LRP1B: variants seen among roughly 807,000 people sequenced by gnomAD.
LRP1B encodes the protein LDL receptor related protein 1B.
A neutral mutation model predicts 556.6 loss-of-function variants in LRP1B; 217 were observed. The observed-to-expected ratio is 0.39, with a 90% CI of 0.35 to 0.44. The LOEUF (loss-of-function observed/expected upper bound fraction) is 0.44, where lower values mean the gene tolerates loss of function less well. Among genes scored for constraint, LRP1B ranks in the 20% least tolerant of loss-of-function variants. LRP1B has a pLI of 1.00. For missense variants in LRP1B, 5,053 were observed against 5,620.8 expected, an observed-to-expected ratio of 0.90 and a Z score of 3.23; for synonymous variants, 2,047 against 1,865.8, an observed-to-expected ratio of 1.10 and a Z score of -2.50.
chr2:140,305,087 T>C (rs1053768627), intron 83 of LRP1B, among the ~76,000 whole-genome samples: 11 of 152,114 alleles, frequency 7.2e-5, no homozygotes, highest in African/African-American at 2.2e-4. Context: ...AGTCAGGTAG[T>C]GTGATGCCTC....
rs1179614191 is a variant in LRP1B at position 140,335,463 on chromosome 2, GC to G, written c.12116+151del. The stretch of plus-strand genomic sequence containing the variant: ...TCATCATTTGGTATGAATAGGACAT[GC>G]TTTTTTACAGAAGAAATAGTACAAG... On this transcript the variant is annotated intron_variant, in intron 78 of 90. Transcript: ENST00000389484. 8.0e-6 allele frequency: 5 copies of G among 624,284 alleles called. No homozygotes were observed. In the Admixed American group the frequency reaches 8.7e-5, roughly 11 times the overall value. 38.7% of individuals were successfully genotyped at this position (624,284 alleles called of 1,614,324 possible). A position where few individuals can be genotyped will look rare whatever the true frequency, so the allele number is the denominator to read the frequency against.
intron 1 of LRP1B, among the ~76,000 whole-genome samples, chr2:142,032,277 C>T (rs1325964688): frequency 6.6e-6 from 1 of 151,638 alleles, no homozygotes; most frequent in Admixed American, 6.6e-5. Flanking sequence ...TGTGTTAATC[C>T]CTCTATCCCA....
chr2:140,610,033 T>C (rs1683012628), intron 41 of LRP1B, among the ~76,000 whole-genome samples: 1 of 147,930 alleles, frequency 6.8e-6, no homozygotes, highest in Non-Finnish European at 1.5e-5. Context: ...CTTCCATCTA[T>C]AAAAACTCAG....
intron 2 of LRP1B, among the ~76,000 whole-genome samples, chr2:141,596,601 G>A (rs1687531582): frequency 6.6e-6 from 1 of 151,958 alleles, no homozygotes; most frequent in South Asian, 2.1e-4. Flanking sequence ...TAAAGTAATT[G>A]TGATGAACTT....
chr2:140,999,139 C>T (rs773863045), intron 15 of LRP1B, among the ~76,000 whole-genome samples: 2 of 152,036 alleles, frequency 1.3e-5, no homozygotes, highest in Non-Finnish European at 2.9e-5. Flanking sequence ...TTTCTATAAA[C>T]ATACTTTGTG....
chr2:141,565,499 A>T (rs897422323), intron 2 of LRP1B, among the ~76,000 whole-genome samples: 2 of 152,212 alleles, frequency 1.3e-5, no homozygotes, highest in Admixed American at 1.3e-4. Context: ...CAACATAAGC[A>T]AAATACAGCA....
chr2:140,826,448 G>T (rs554466462), intron 31 of LRP1B, among the ~76,000 whole-genome samples: 1 of 152,290 alleles, frequency 6.6e-6, no homozygotes, highest in South Asian at 2.1e-4. Context: ...AGAGAAGCCA[G>T]ATGGCTTCAC....
chr2:140,436,096 T>C (rs527928478), intron 66 of LRP1B, among the ~76,000 whole-genome samples: 1 of 151,900 alleles, frequency 6.6e-6, no homozygotes, highest in African/African-American at 2.4e-5. Context: ...AATAAATGGA[T>C]GAAAGAAAAA....
At chr2:140,350,741 A>G (rs1254612241) in intron 77 of LRP1B, 56 bp downstream of exon 77, 2 of 1,538,968 alleles carry the variant, frequency 1.3e-6, no homozygotes, top group Non-Finnish European at 1.7e-6. Flanking sequence ...AATTTTGTTT[A>G]AAAAGCAGGT....
In LRP1B at chr2:141,657,943, G is replaced by A. The variant is rs1481040460; in HGVS notation, c.205+152336C>T. Among the ~76,000 whole-genome samples the A allele has an allele frequency of 7.2e-5, 11 of 152,016 alleles. No homozygotes were observed. In the South Asian group the frequency reaches 1.4e-3, roughly 20 times the overall value. ...TCTATTAATTGAAAAAGGTTTAAACGAAGTTCTAGAATGTTCCATCATCCA... is the reference window on the plus strand; with the variant it reads ...TCTATTAATTGAAAAAGGTTTAAACAAAGTTCTAGAATGTTCCATCATCCA... On this transcript the variant is annotated intron_variant, in intron 2 of 90. Transcript: ENST00000389484.
At chr2:141,051,142 G>C (rs1699023373) in intron 10 of LRP1B, among the ~76,000 whole-genome samples, 1 of 152,074 alleles carries the variant, frequency 6.6e-6, no homozygotes, top group Admixed American at 6.6e-5. Context: ...TGCTGGCAAG[G>C]TTGTGGAGAA....
chr2:142,070,514 A>G (rs1705271974), intron 1 of LRP1B, among the ~76,000 whole-genome samples: 1 of 151,838 alleles, frequency 6.6e-6, no homozygotes, highest in Non-Finnish European at 1.5e-5. Context: ...ATGTGCACAA[A>G]TGCACAAATC....
At chr2:141,998,141 T>A (rs1028831540) in intron 1 of LRP1B, among the ~76,000 whole-genome samples, 3 of 152,170 alleles carry the variant, frequency 2.0e-5, no homozygotes, top group Non-Finnish European at 4.4e-5. Flanking sequence ...CAGGATTTAG[T>A]GTGGGCTTCA....
intron 41 of LRP1B, among the ~76,000 whole-genome samples, chr2:140,653,570 G>A (rs1029372983): frequency 6.6e-6 from 1 of 151,824 alleles, no homozygotes; most frequent in Non-Finnish European, 1.5e-5. Context: ...ATAGGTATTG[G>A]GCTGTAAAGT....
chr2:141,341,706 C>T (rs749832467), intron 3 of LRP1B, among the ~76,000 whole-genome samples: 14 of 152,158 alleles, frequency 9.2e-5, no homozygotes, highest in Admixed American at 7.2e-4. Context: ...GAGCTTCTTC[C>T]AGGCCTTGCC....
chr2:141,738,962 A>G (rs1044119111), intron 2 of LRP1B, among the ~76,000 whole-genome samples: 4 of 152,126 alleles, frequency 2.6e-5, no homozygotes, highest in Non-Finnish European at 4.4e-5. Flanking sequence ...TTACACATAT[A>G]TCCACACAGA....
intron 84 of LRP1B, among the ~76,000 whole-genome samples, chr2:140,291,348 A>G (rs1223795438): frequency 8.1e-6 from 1 of 122,812 alleles, no homozygotes; most frequent in Non-Finnish European, 1.8e-5. Context: ...TCTAGGGTAT[A>G]TGTGCACAAC....
intron 2 of LRP1B, among the ~76,000 whole-genome samples, chr2:141,757,820 A>G (rs924863947): frequency 6.6e-6 from 1 of 152,150 alleles, no homozygotes; most frequent in African/African-American, 2.4e-5. Flanking sequence ...CACTGGTGTG[A>G]GCCACTACAC....
intron 7 of LRP1B, among the ~76,000 whole-genome samples, chr2:141,185,507 G>T (rs1681201230): frequency 6.6e-6 from 1 of 151,826 alleles, no homozygotes. Context: ...AAGCATCTCT[G>T]GGAAATAGTC....
Sources: allele counts gnomAD v4.1 joint callset (sites outside exome capture counted in the v4.1 genomes callset), GRCh38; gene constraint gnomAD v4.1.1; transcripts MANE v1.5; gene names NCBI Gene and HGNC (gene_info 2026-07-23, HGNC 2026-07-21).